Variants in CERS3 observed in about 807,000 individuals in gnomAD.
CERS3 encodes ceramide synthase 3.
A neutral mutation model predicts 50.3 loss-of-function variants in CERS3; 33 were observed. That is an observed-to-expected ratio of 0.66 (90% CI 0.50 to 0.88). The LOEUF (loss-of-function observed/expected upper bound fraction) is 0.88. CERS3 is among the 40% of genes least tolerant of loss of function. CERS3 has a pLI of 0.00. For synonymous variants in CERS3, 176 were observed against 155.2 expected, an observed-to-expected ratio of 1.13 and a Z score of -0.99; for missense variants, 470 against 460.3, an observed-to-expected ratio of 1.02 and a Z score of -0.19.
At chr15:100,515,722 G>A (rs2036470621) in intron 2 of CERS3, among the ~76,000 whole-genome samples, 1 of 152,164 alleles carries the variant, frequency 6.6e-6, no homozygotes, top group South Asian at 2.1e-4. Flanking sequence ...TGATAGTTCT[G>A]TTTTCAAAGG....
At chr15:100,425,958 C>G (rs1240998542) in intron 11 of CERS3, 1 of 152,172 alleles carries the variant, frequency 6.6e-6, no homozygotes, top group African/African-American at 2.4e-5. Flanking sequence ...AAGTGTGTAG[C>G]ACCTCCCACT....
chr15:100,423,571 G>T (rs1596634327), intron 11 of CERS3, among the ~76,000 whole-genome samples: 1 of 152,134 alleles, frequency 6.6e-6, no homozygotes, highest in Non-Finnish European at 1.5e-5. Context: ...GACACAAAGA[G>T]GGGTACAACA....
chr15:100,458,361 C>T lies in CERS3; in HGVS notation c.846-2315G>A, dbSNP rs142224465. Among the ~76,000 whole-genome samples the T allele has an allele frequency of 3.6e-4, 55 of 152,004 alleles. No homozygotes were observed. In the East Asian group the frequency reaches 8.7e-3, roughly 24 times the overall value. On this transcript the variant is annotated intron_variant, in intron 10 of 11. Transcript: ENST00000679737. ...GCACTTTGGGAGGCTGAGGCAGGTG[C>T]ATTACCTGAGGTCAGGAGTTCAAGA...
At chr15:100,467,502 C>T (rs1345000648) in intron 10 of CERS3, among the ~76,000 whole-genome samples, 1 of 151,866 alleles carries the variant, frequency 6.6e-6, no homozygotes, top group Non-Finnish European at 1.5e-5. Flanking sequence ...ATAGGTGGCC[C>T]TCAAAGCCTA....
chr15:100,460,193 A>G (rs2034505170), intron 10 of CERS3, among the ~76,000 whole-genome samples: 1 of 152,112 alleles, frequency 6.6e-6, no homozygotes, highest in African/African-American at 2.4e-5. Flanking sequence ...TATAAAACAT[A>G]TTTTCCCATA....
chr15:100,524,604 T>C (rs2036732688), intron 1 of CERS3, among the ~76,000 whole-genome samples: 1 of 152,210 alleles, frequency 6.6e-6, no homozygotes, highest in African/African-American at 2.4e-5. Flanking sequence ...CAAATGAAAA[T>C]TGCTAATCTG....
At chr15:100,430,148 T>TA (rs1160379890) in intron 11 of CERS3, among the ~76,000 whole-genome samples, 7 of 151,624 alleles carry the variant, frequency 4.6e-5, no homozygotes, top group African/African-American at 1.5e-4. Context: ...CTGTCTCTAC[T>TA]AAAAATACAA....
chr15:100,439,458 G>A (rs1321304152), intron 11 of CERS3, among the ~76,000 whole-genome samples: 1 of 151,896 alleles, frequency 6.6e-6, no homozygotes, highest in Non-Finnish European at 1.5e-5. Flanking sequence ...GTAAGGAATT[G>A]AAGGAACAAA....
At chr15:100,497,146 C>T (rs914346522) in intron 3 of CERS3, among the ~76,000 whole-genome samples, 1 of 151,802 alleles carries the variant, frequency 6.6e-6, no homozygotes, top group Non-Finnish European at 1.5e-5. Context: ...TAAAGGATCA[C>T]CAAATACACA....
At chr15:100,487,303 T>C (rs1356372159) in intron 4 of CERS3, among the ~76,000 whole-genome samples, 2 of 152,190 alleles carry the variant, frequency 1.3e-5, no homozygotes, top group Admixed American at 1.3e-4. Flanking sequence ...CAAATAATAA[T>C]AGCTGACCTT....
At chr15:100,457,363 C>T (rs117424097) in intron 10 of CERS3, among the ~76,000 whole-genome samples, 2 of 152,188 alleles carry the variant, frequency 1.3e-5, no homozygotes, top group Non-Finnish European at 2.9e-5. Context: ...CACACATAAA[C>T]TTGGCAAACA....
intron 2 of CERS3, among the ~76,000 whole-genome samples, chr15:100,506,804 T>A (rs1321186161): frequency 4.6e-5 from 7 of 152,190 alleles, no homozygotes; most frequent in Admixed American, 3.9e-4. Flanking sequence ...AGAAATGGCT[T>A]CTGATGGGTA....
At chr15:100,502,267 A>AAAAAAAAAAAAAAAAAAG (rs2036033219) in intron 2 of CERS3, among the ~76,000 whole-genome samples, 12 of 109,288 alleles carry the variant, frequency 1.1e-4, no homozygotes, top group South Asian at 3.1e-4. Context: ...AAAAAAAAAA[A>AAAAAAAAAAAAAAAAAAG]AAAGAAAGAA....
At chr15:100,501,349 A>T (rs531680158) in intron 3 of CERS3, among the ~76,000 whole-genome samples, 1 of 152,352 alleles carries the variant, frequency 6.6e-6, no homozygotes, top group African/African-American at 2.4e-5. Flanking sequence ...GCATTGTCAG[A>T]CACCGTGGAA....
At chr15:100,537,298 C>A (rs766412633) in intron 1 of CERS3, among the ~76,000 whole-genome samples, 37 of 152,228 alleles carry the variant, frequency 2.4e-4, no homozygotes, top group Non-Finnish European at 4.3e-4. Flanking sequence ...TTCTCATTAA[C>A]AAAAGATTTG....
chr15:100,506,037 T>C (rs1038418137), intron 2 of CERS3, among the ~76,000 whole-genome samples: 1 of 152,042 alleles, frequency 6.6e-6, no homozygotes, highest in Non-Finnish European at 1.5e-5. Flanking sequence ...ATGGGGTGTC[T>C]TTGTGAGCCA....
chr15:100,454,711 C>T (rs957733103), intron 11 of CERS3, among the ~76,000 whole-genome samples: 1 of 152,140 alleles, frequency 6.6e-6, no homozygotes, highest in African/African-American at 2.4e-5. Context: ...CCAAAATAGA[C>T]ACATGGGACT....
At chr15:100,488,782 G>GT (rs34460232) in intron 4 of CERS3, among the ~76,000 whole-genome samples, 103,718 of 145,006 alleles carry the variant, frequency 0.72, 36,951 homozygotes, top group Middle Eastern at 0.78. Context: ...ATATATAACT[G>GT]TTTTTTTTTT....
At chr15:100,477,164 C>T (rs1246983828) in intron 7 of CERS3, among the ~76,000 whole-genome samples, 1 of 152,144 alleles carries the variant, frequency 6.6e-6, no homozygotes, top group Non-Finnish European at 1.5e-5. Flanking sequence ...TGTTTGAAGG[C>T]ACTAAGTTTT....
Sources: allele counts gnomAD v4.1 joint callset (sites outside exome capture counted in the v4.1 genomes callset), GRCh38; gene constraint gnomAD v4.1.1; transcripts MANE v1.5; gene names NCBI Gene and HGNC (gene_info 2026-07-23, HGNC 2026-07-21).